Variants in SAPCD1 observed in about 807,000 individuals in gnomAD.
SAPCD1 encodes the protein suppressor APC domain-containing protein 1.
In SAPCD1, 16 loss-of-function variants were observed where a neutral mutation model predicts 20.7. The observed-to-expected ratio is 0.77, with a 90% CI of 0.52 to 1.17. The LOEUF (loss-of-function observed/expected upper bound fraction) is 1.17, where lower values mean the gene tolerates loss of function less well. SAPCD1 is among the 50% of genes most tolerant of loss of function. The probability of loss-of-function intolerance (pLI) is 0.00; values close to 1 mark genes in which losing one functional copy is unlikely to be tolerated. For synonymous variants in SAPCD1, 77 were observed against 84.8 expected, an observed-to-expected ratio of 0.91 and a Z score of 0.50; for missense variants, 173 against 209.9, an observed-to-expected ratio of 0.82 and a Z score of 1.09.
chr6:31,762,797 C>A, upstream of SAPCD1: 1 of 544,794 alleles, frequency 1.8e-6, no homozygotes, highest in East Asian at 3.0e-5. Flanking sequence ...TAGGAAGACT[C>A]CCGGATTCTA....
At position 31,764,733 on chromosome 6, in the gene SAPCD1, CA is replaced by C. The variant is rs1224117014; in HGVS notation, c.*207del. On this transcript the variant is annotated 3_prime_UTR_variant, in exon 5 of 5. Coordinates refer to ENST00000415669, the Ensembl canonical transcript of SAPCD1. The surrounding 1 kb of genome is among the most constrained non-coding windows in gnomAD (Gnocchi z 4.7). ...TCCTCATTCTCCCCTATATGACATG[CA>C]AAAACGATCTTTCTTTGAAATCCCT... The C allele has an allele frequency of 4.0e-6, 2 of 504,788 alleles. No individual in the cohort carries two copies. Among genetic ancestry groups the C allele is most frequent in the Non-Finnish European group, 7.0e-6 (2 of 286,190 alleles). The allele number at this position is 504,788 out of a possible 1,614,324, so 31.3% of individuals were successfully genotyped here.
Position 31,763,253 on chromosome 6 carries a change from A to G in SAPCD1, c.114+85A>G. The G allele has an allele frequency of 1.7e-6, 2 of 1,199,606 alleles. No homozygotes were observed. Among genetic ancestry groups the G allele is most frequent in the Non-Finnish European group, 2.4e-6 (2 of 835,740 alleles). 74.3% of individuals were successfully genotyped at this position (1,199,606 alleles called of 1,614,324 possible). ...ATTTCCATTCAACTTGAGGGCCCAC[A>G]GTGTTCCCGCCTGCCTCCCCTTGCC... On this transcript the variant is annotated intron_variant, in intron 1 of 4. Transcript: ENST00000415669. The surrounding 1 kb of genome is among the most constrained non-coding windows in gnomAD (Gnocchi z 4.9).
At position 31,764,164 on chromosome 6, in the gene SAPCD1, G is replaced by A. The variant is rs1167294666; in HGVS notation, c.351+5G>A. 1.9e-6 allele frequency: 3 copies of A among 1,612,092 alleles called. No homozygotes were observed. Among genetic ancestry groups the A allele is most frequent in the East Asian group, 2.2e-5 (1 of 44,888 alleles). ...CAGAATCTGATTCATGAGAAGGTGA[G>A]TTTATTGTTTTCAGTTTAGACTTTT... On this transcript the variant is annotated splice_donor_5th_base_variant and intron_variant, in intron 3 of 4. Coordinates refer to ENST00000415669, the Ensembl canonical transcript of SAPCD1. The surrounding 1 kb of genome is among the most constrained non-coding windows in gnomAD (Gnocchi z 4.7).
chr6:31,764,737 A>T lies in SAPCD1; in HGVS notation c.*206A>T. On this transcript the variant is annotated 3_prime_UTR_variant, in exon 5 of 5. Coordinates refer to ENST00000415669, the Ensembl canonical transcript of SAPCD1. The surrounding 1 kb of genome is among the most constrained non-coding windows in gnomAD (Gnocchi z 4.7). ...CATTCTCCCCTATATGACATGCAAA[A>T]ACGATCTTTCTTTGAAATCCCTCTG... 2.0e-6 allele frequency: 1 copy of T among 501,738 alleles called. No homozygotes were observed. The highest frequency in any genetic ancestry group is 3.6e-5 in the South Asian group (1 of 28,156). 31.1% of individuals were successfully genotyped at this position (501,738 alleles called of 1,614,324 possible).
chr6:31,763,051 A>C lies in SAPCD1; in HGVS notation c.-4A>C, dbSNP rs772629272. 8.3e-6 allele frequency: 13 copies of C among 1,561,088 alleles called. No homozygotes were observed. Among genetic ancestry groups the C allele is most frequent in the Non-Finnish European group, 1.0e-5 (12 of 1,145,932 alleles). Reference sequence around the variant, plus strand: ...AGTGGCTCCACCCTTCCCACCTCAGAGCCATGGGGAGCCAGGGCTCTGGCG... The same window carrying C: ...AGTGGCTCCACCCTTCCCACCTCAGCGCCATGGGGAGCCAGGGCTCTGGCG... On this transcript the variant is annotated 5_prime_UTR_variant, in exon 1 of 5. Coordinates refer to ENST00000415669, the Ensembl canonical transcript of SAPCD1. This position sits in a 1 kb window ranked among gnomAD's most constrained non-coding sequence, Gnocchi z 4.9.
Position 31,764,592 on chromosome 6 carries a change from GT to G in SAPCD1, c.*64del, listed in dbSNP as rs1173878793. The G allele has an allele frequency of 1.1e-5, 14 of 1,236,368 alleles. No homozygotes were observed. Among genetic ancestry groups the G allele is most frequent in the Non-Finnish European group, 1.5e-5 (13 of 871,474 alleles). 76.6% of individuals were successfully genotyped at this position (1,236,368 alleles called of 1,614,324 possible). A position where few individuals can be genotyped will look rare whatever the true frequency, so the allele number is the denominator to read the frequency against. ...TCAGAAGCCCCAGGCTCCTTTTTCT[GT>G]TTCTTAACTCAACAGCTAAAAAATG... On this transcript the variant is annotated 3_prime_UTR_variant, in exon 5 of 5. Coordinates refer to ENST00000415669, the Ensembl canonical transcript of SAPCD1. This position sits in a 1 kb window ranked among gnomAD's most constrained non-coding sequence, Gnocchi z 4.7.
chr6:31,762,925 T>G (rs1408630936), upstream of SAPCD1: 1 of 592,142 alleles, frequency 1.7e-6, no homozygotes, highest in African/African-American at 1.9e-5. Context: ...CACCCCAGCC[T>G]CAGACAGACA....
chr6:31,763,173 G>GT lies in SAPCD1; in HGVS notation c.114+6dup. 1 of 1,514,446 alleles carries GT rather than the reference G, an allele frequency of 6.6e-7. No individual in the cohort carries two copies. The highest frequency in any genetic ancestry group is 1.4e-5 in the African/African-American group (1 of 71,570). 93.8% of individuals were successfully genotyped at this position (1,514,446 alleles called of 1,614,324 possible). A position where few individuals can be genotyped will look rare whatever the true frequency, so the allele number is the denominator to read the frequency against. ...GCCCAGAGCTTCTTCCTTTGGGTGA[G>GT]TATCAGCCCAACAAGAGGTCCCAGG... On this transcript the variant is annotated splice_donor_region_variant and intron_variant, in intron 1 of 4. Transcript: ENST00000415669. This position sits in a 1 kb window ranked among gnomAD's most constrained non-coding sequence, Gnocchi z 4.9.
At position 31,763,091 on chromosome 6, in the gene SAPCD1, C is replaced by T. The variant is rs1174041467; in HGVS notation, c.37C>T (p.Gln13Ter). 3 of 1,571,454 alleles carry T rather than the reference C, an allele frequency of 1.9e-6. No homozygotes were observed. Among genetic ancestry groups the T allele is most frequent in the Non-Finnish European group, 2.6e-6 (3 of 1,159,194 alleles). ...GGGCTCTGGCGGGGTGCCCTTGGTG[C>T]AGGCTCCCTACACAGTCCTGCTGCT... Residue 13 changes from glutamine (Q) to a stop codon, truncating the protein, a stop_gained, in exon 1 of 5, where the codon CAG (glutamine) becomes TAG (stop). Transcript: ENST00000415669. LOFTEE classifies it high-confidence loss of function. The surrounding 1 kb of genome is among the most constrained non-coding windows in gnomAD (Gnocchi z 4.9).
Position 31,764,759 on chromosome 6 carries a change from T to C in SAPCD1, c.*228T>C, listed in dbSNP as rs1811360598. 1 of 472,390 alleles carries C rather than the reference T, an allele frequency of 2.1e-6. No homozygotes were observed. Among genetic ancestry groups the C allele is most frequent in the Non-Finnish European group, 3.6e-6 (1 of 280,512 alleles). The allele number at this position is 472,390 out of a possible 1,614,324, so 29.3% of individuals were successfully genotyped here. On this transcript the variant is annotated 3_prime_UTR_variant, in exon 5 of 5. Coordinates refer to ENST00000415669, the Ensembl canonical transcript of SAPCD1. This position sits in a 1 kb window ranked among gnomAD's most constrained non-coding sequence, Gnocchi z 4.7. ...AAAAACGATCTTTCTTTGAAATCCC[T>C]CTGGGAAGAAGCATGTTTATTGAAA...
chr6:31,764,043 AGCC>A lies in SAPCD1; in HGVS notation c.256-20_256-18del, dbSNP rs1811271924. ...GACCTCAGGTTTTCACCATGTTGTC[AGCC>A]TCCAACTCCTCCTCTAGAATTTTCT... is the stretch of plus-strand genomic sequence containing the variant. On this transcript the variant is annotated intron_variant, in intron 2 of 4. Coordinates refer to ENST00000415669, the Ensembl canonical transcript of SAPCD1. The surrounding 1 kb of genome is among the most constrained non-coding windows in gnomAD (Gnocchi z 4.7). The A allele has an allele frequency of 6.5e-7, 1 of 1,535,246 alleles. No homozygotes were observed. The highest frequency in any genetic ancestry group is 1.4e-5 in the African/African-American group (1 of 73,532).
At position 31,763,898 on chromosome 6, in the gene SAPCD1, G is replaced by A. The variant is rs1040091219; in HGVS notation, c.256-166G>A. ...GCTATTTGAGGGAGATGGAGGAACT[G>A]ATGTGCTAAAGAGATGGAGGTGGAG... On this transcript the variant is annotated intron_variant, in intron 2 of 4. Coordinates refer to ENST00000415669, the Ensembl canonical transcript of SAPCD1. This position sits in a 1 kb window ranked among gnomAD's most constrained non-coding sequence, Gnocchi z 4.9. 1 of 617,774 alleles carries A rather than the reference G, an allele frequency of 1.6e-6. No homozygotes were observed. The highest frequency in any genetic ancestry group is 1.8e-5 in the African/African-American group (1 of 54,394). 38.3% of individuals were successfully genotyped at this position (617,774 alleles called of 1,614,324 possible). A position where few individuals can be genotyped will look rare whatever the true frequency, so the allele number is the denominator to read the frequency against.
Position 31,763,705 on chromosome 6 carries a change from C to T in SAPCD1, c.255+150C>T. The T allele has an allele frequency of 1.4e-6, 1 of 737,936 alleles. No homozygotes were observed. Among genetic ancestry groups the T allele is most frequent in the Middle Eastern group, 3.9e-4 (1 of 2,558 alleles). The allele number at this position is 737,936 out of a possible 1,614,324, so 45.7% of individuals were successfully genotyped here. On this transcript the variant is annotated intron_variant, in intron 2 of 4. Transcript: ENST00000415669. The surrounding 1 kb of genome is among the most constrained non-coding windows in gnomAD (Gnocchi z 4.9). The stretch of plus-strand genomic sequence containing the variant: ...AGGCAGCATCGTAATGACAGGATGC[C>T]ACCAAGTGTTAAGTTGGTGTTCATT...
At position 31,763,032 on chromosome 6, in the gene SAPCD1, T is replaced by A. The variant is rs1811165460; in HGVS notation, c.-23T>A. On this transcript the variant is annotated 5_prime_UTR_variant, in exon 1 of 5. Coordinates refer to ENST00000415669, the Ensembl canonical transcript of SAPCD1. The surrounding 1 kb of genome is among the most constrained non-coding windows in gnomAD (Gnocchi z 4.9). ...CCCGGGCTGCACCAGTGGGAGTGGC[T>A]CCACCCTTCCCACCTCAGAGCCATG... The A allele has an allele frequency of 4.2e-6, 6 of 1,440,484 alleles. No homozygotes were observed. The highest frequency in any genetic ancestry group is 5.8e-6 in the Non-Finnish European group (6 of 1,041,376). The allele number at this position is 1,440,484 out of a possible 1,614,324, so 89.2% of individuals were successfully genotyped here. A position where few individuals can be genotyped will look rare whatever the true frequency, so the allele number is the denominator to read the frequency against.
rs1353480876 is a variant in SAPCD1 at position 31,763,262 on chromosome 6, G to A, written c.114+94G>A. On this transcript the variant is annotated intron_variant, in intron 1 of 4. Coordinates refer to ENST00000415669, the Ensembl canonical transcript of SAPCD1. This position sits in a 1 kb window ranked among gnomAD's most constrained non-coding sequence, Gnocchi z 4.9. Reference sequence around the variant, plus strand: ...CAACTTGAGGGCCCACAGTGTTCCCGCCTGCCTCCCCTTGCCCTCCAGGTC... The same window carrying A: ...CAACTTGAGGGCCCACAGTGTTCCCACCTGCCTCCCCTTGCCCTCCAGGTC... The A allele has an allele frequency of 1.6e-5, 20 of 1,231,234 alleles. No individual in the cohort carries two copies. Among genetic ancestry groups the A allele is most frequent in the East Asian group, 5.0e-5 (2 of 40,086 alleles). 76.3% of individuals were successfully genotyped at this position (1,231,234 alleles called of 1,614,324 possible).
At position 31,763,374 on chromosome 6, in the gene SAPCD1, A is replaced by T. The variant is rs778467145; in HGVS notation, c.115-41A>T. 6.2e-7 allele frequency: 1 copy of T among 1,612,442 alleles called. No homozygotes were observed. The highest frequency in any genetic ancestry group is 2.2e-5 in the East Asian group (1 of 44,882). On this transcript the variant is annotated intron_variant, in intron 1 of 4. Transcript: ENST00000415669. This position sits in a 1 kb window ranked among gnomAD's most constrained non-coding sequence, Gnocchi z 4.9. ...AGAAAGGGCCATAACCCAGAGCCCT[A>T]CTGTGGCGTGAGAGTCAGCCTCTGT...
chr6:31,763,925 G>T lies in SAPCD1; in HGVS notation c.256-139G>T. 1 of 660,342 alleles carries T rather than the reference G, an allele frequency of 1.5e-6. No homozygotes were observed. 40.9% of individuals were successfully genotyped at this position (660,342 alleles called of 1,614,324 possible). A position where few individuals can be genotyped will look rare whatever the true frequency, so the allele number is the denominator to read the frequency against. On this transcript the variant is annotated intron_variant, in intron 2 of 4. Coordinates refer to ENST00000415669, the Ensembl canonical transcript of SAPCD1. The surrounding 1 kb of genome is among the most constrained non-coding windows in gnomAD (Gnocchi z 4.9). The stretch of plus-strand genomic sequence containing the variant: ...TGTGCTAAAGAGATGGAGGTGGAGA[G>T]TACTGGATTTTCCCACCTGCCTGGG...
rs28399988 is a variant in SAPCD1 at position 31,763,175 on chromosome 6, A to G, written c.114+7A>G. On this transcript the variant is annotated splice_region_variant and intron_variant, in intron 1 of 4. Coordinates refer to ENST00000415669, the Ensembl canonical transcript of SAPCD1. The surrounding 1 kb of genome is among the most constrained non-coding windows in gnomAD (Gnocchi z 4.9). ...CCAGAGCTTCTTCCTTTGGGTGAGT[A>G]TCAGCCCAACAAGAGGTCCCAGGGG... is the stretch of plus-strand genomic sequence containing the variant. The G allele has an allele frequency of 1.9e-4, 280 of 1,507,770 alleles. No individual in the cohort carries two copies. In the African/African-American group the frequency reaches 2.8e-3, roughly 15 times the overall value. 93.4% of individuals were successfully genotyped at this position (1,507,770 alleles called of 1,614,324 possible).
chr6:31,763,318 G>T lies in SAPCD1; in HGVS notation c.115-97G>T. 1 of 1,513,586 alleles carries T rather than the reference G, an allele frequency of 6.6e-7. No homozygotes were observed. Among genetic ancestry groups the T allele is most frequent in the South Asian group, 1.1e-5 (1 of 87,264 alleles). The allele number at this position is 1,513,586 out of a possible 1,614,324, so 93.8% of individuals were successfully genotyped here. On this transcript the variant is annotated intron_variant, in intron 1 of 4. Coordinates refer to ENST00000415669, the Ensembl canonical transcript of SAPCD1. The surrounding 1 kb of genome is among the most constrained non-coding windows in gnomAD (Gnocchi z 4.9). The stretch of plus-strand genomic sequence containing the variant: ...TGGCCAGTCTGGGTTCACACTCAGT[G>T]ACCACACAGTGAACCCAACTAGGGG...
Sources: gnomAD v4.1 joint callset for allele counts on GRCh38, gnomAD v4.1.1 for gene constraint, Gnocchi (gnomAD v3.1) non-coding constraint, MANE v1.5 for transcripts, NCBI Gene and HGNC (gene_info 2026-07-23, HGNC 2026-07-21) for gene names.